AGMO: variants seen among roughly 807,000 people sequenced by gnomAD.
AGMO encodes the protein glyceryl-ether monooxygenase.
In AGMO, 75 loss-of-function variants were observed where a neutral mutation model predicts 60.2. The ratio of observed to expected loss-of-function variants is 1.25; its 90% CI spans 1.03 to 1.51. The LOEUF is 1.51. Ranked by LOEUF, AGMO falls within the 40% of genes most tolerant of loss-of-function variation. The pLI is 0.00. For synonymous variants in AGMO, 261 were observed against 177.1 expected (o/e 1.47, Z -3.76); for missense variants, 763 against 525.5 (o/e 1.45, Z -4.42).
chr7:15,390,645 G>A, intron 8 of AGMO, 26 bp downstream of exon 8: 3 of 1,483,972 alleles, frequency 2.0e-6, no homozygotes, highest in African/African-American at 1.4e-5. Context: ...TATAAATGAA[G>A]AAAGAATAAA....
At chr7:15,161,948 C>T in the AGMO span, among the ~76,000 whole-genome samples, 103 of 152,188 alleles carry the variant, frequency 6.8e-4, no homozygotes, top group Admixed American at 1.2e-3. Flanking sequence ...TGATTCGTCT[C>T]AGTGTCTCCA....
At chr7:15,139,323 G>A in the AGMO span, among the ~76,000 whole-genome samples, 1 of 152,124 alleles carries the variant, frequency 6.6e-6, no homozygotes, top group African/African-American at 2.4e-5. Context: ...GTATTCTCCT[G>A]AAAATGGGGC....
chr7:15,212,900 A>G (rs1304510610), intron 12 of AGMO, among the ~76,000 whole-genome samples: 4 of 151,988 alleles, frequency 2.6e-5, no homozygotes, highest in Non-Finnish European at 4.4e-5. Flanking sequence ...ATGAAAACTT[A>G]CTACAGACTT....
chr7:15,166,805 G>A, the AGMO span, among the ~76,000 whole-genome samples: 4 of 152,128 alleles, frequency 2.6e-5, no homozygotes, highest in African/African-American at 9.7e-5. Flanking sequence ...AGTCCAGGAT[G>A]ATGCAAGCTT....
chr7:15,500,143 G>A (rs959070542), intron 3 of AGMO, among the ~76,000 whole-genome samples: 7 of 151,636 alleles, frequency 4.6e-5, no homozygotes, highest in African/African-American at 1.7e-4. Context: ...ATTAAAATTT[G>A]TAAAAGCAAT....
At chr7:15,466,076 T>C (rs35488025) in intron 3 of AGMO, among the ~76,000 whole-genome samples, 4,025 of 152,214 alleles carry the variant, frequency 0.026, 74 homozygotes, top group Non-Finnish European at 0.045. Context: ...TCCTTAGGGA[T>C]CTCATGTTTT....
chr7:15,434,077 T>C (rs1781330679), intron 3 of AGMO, among the ~76,000 whole-genome samples: 1 of 152,092 alleles, frequency 6.6e-6, no homozygotes, highest in Non-Finnish European at 1.5e-5. Context: ...ACAATTTTAT[T>C]ACCCCAAAGA....
intron 10 of AGMO, among the ~76,000 whole-genome samples, chr7:15,383,424 AC>A (rs796405854): frequency 1.1e-4 from 17 of 152,278 alleles, no homozygotes; most frequent in African/African-American, 4.1e-4. Flanking sequence ...CAATAAAAAA[AC>A]AATAAAAAAA....
intron 3 of AGMO, among the ~76,000 whole-genome samples, chr7:15,472,015 C>T (rs1006201635): frequency 2.0e-5 from 3 of 151,692 alleles, no homozygotes; most frequent in African/African-American, 7.3e-5. Flanking sequence ...AGATATGAGC[C>T]TAATATTGAG....
intron 10 of AGMO, among the ~76,000 whole-genome samples, chr7:15,371,680 G>C (rs1783222778): frequency 6.6e-6 from 1 of 151,778 alleles, no homozygotes; most frequent in Non-Finnish European, 1.5e-5. Context: ...TTATAGGCGT[G>C]AGCCACTGAA....
At chr7:15,350,743 A>T (rs570713372) in intron 12 of AGMO, among the ~76,000 whole-genome samples, 1 of 152,294 alleles carries the variant, frequency 6.6e-6, no homozygotes, top group South Asian at 2.1e-4. Flanking sequence ...TTTCTGTGAC[A>T]ATTTGATCAT....
the AGMO span, among the ~76,000 whole-genome samples, chr7:15,172,692 C>T: frequency 6.6e-6 from 1 of 152,022 alleles, no homozygotes; most frequent in Non-Finnish European, 1.5e-5. Context: ...TTAAGCTTCT[C>T]TGATGCTCCA....
Position 15,354,496 on chromosome 7 carries a change from GTATATATATATATATA to G in AGMO, c.1263+11002_1263+11017del, listed in dbSNP as rs60044874. Among the ~76,000 whole-genome samples, 58 of 18,798 alleles carry G rather than the reference GTATATATATATATATA, an allele frequency of 3.1e-3. 1 individual carries two copies. The highest frequency in any genetic ancestry group is 0.1 in the Middle Eastern group (1 of 10). 12.3% of individuals were successfully genotyped at this position (18,798 alleles called of 152,430 possible). ...TACACACGTGTGTATATACACACGT[GTATATATATATATATA>G]TATATATATATATATATATATATAT... On this transcript the variant is annotated intron_variant, in intron 12 of 12. Transcript: ENST00000342526.
intron 12 of AGMO, among the ~76,000 whole-genome samples, chr7:15,292,965 G>A (rs573353856): frequency 6.5e-4 from 98 of 151,522 alleles, no homozygotes; most frequent in African/African-American, 2.0e-3. Context: ...GTTTCACCTC[G>A]TTAGCCAAGC....
chr7:15,239,131 A>C (rs896363745), intron 12 of AGMO, among the ~76,000 whole-genome samples: 1 of 152,098 alleles, frequency 6.6e-6, no homozygotes. Context: ...CCTGCTCTCC[A>C]AGCACCATCA....
At chr7:15,198,240 A>AGAGG (rs1554393228), downstream of AGMO, among the ~76,000 whole-genome samples, 1,310 of 102,304 alleles carry the variant, frequency 0.013, 25 homozygotes, top group Non-Finnish European at 0.014. Flanking sequence ...AGAGAGAGAG[A>AGAGG]GAGAGAGAGA....
chr7:15,239,432 T>C (rs557656708), intron 12 of AGMO, among the ~76,000 whole-genome samples: 2 of 152,200 alleles, frequency 1.3e-5, no homozygotes, highest in African/African-American at 2.4e-5. Context: ...GATAGTAAAA[T>C]CATGCTGAAG....
chr7:15,149,022 G>A, the AGMO span, among the ~76,000 whole-genome samples: 1 of 152,150 alleles, frequency 6.6e-6, no homozygotes, highest in Non-Finnish European at 1.5e-5. Flanking sequence ...TCTAACCAGT[G>A]TGAGATAGTA....
chr7:15,429,650 G>A (rs1284549055), intron 4 of AGMO, among the ~76,000 whole-genome samples: 2 of 151,990 alleles, frequency 1.3e-5, no homozygotes, highest in Non-Finnish European at 2.9e-5. Context: ...GTATGGTGTG[G>A]GAGTTTGAGG....
Sources: gnomAD v4.1 joint callset for allele counts (sites outside exome capture counted in the v4.1 genomes callset) on GRCh38, gnomAD v4.1.1 for gene constraint, MANE v1.5 for transcripts, NCBI Gene and HGNC (gene_info 2026-07-23, HGNC 2026-07-21) for gene names.